Variants in IL1RAPL2 observed in about 807,000 individuals in gnomAD.
IL1RAPL2 encodes the protein X-linked interleukin-1 receptor accessory protein-like 2.
A neutral mutation model predicts 44.1 loss-of-function variants in IL1RAPL2; 3 were observed. The observed-to-expected ratio is 0.07, with a 90% CI of 0.03 to 0.18. The LOEUF is 0.18. IL1RAPL2 is among the 10% of genes least tolerant of loss of function. The pLI, the probability that IL1RAPL2 is intolerant of heterozygous loss-of-function variation, is 1.00. For missense variants in IL1RAPL2, 391 were observed against 496.4 expected (o/e 0.79, Z 2.02); for synonymous variants, 181 against 178.8 (o/e 1.01, Z -0.10).
intron 6 of IL1RAPL2, among the ~76,000 whole-genome samples, chrX:105,573,536 C>T (rs914804645): frequency 1.4e-4 from 15 of 111,054 alleles, no homozygotes; most frequent in African/African-American, 4.6e-4. Context: ...GCGAATGTTA[C>T]CAAGAAAGAA....
At chrX:104,865,657 A>G (rs1205332686) in intron 2 of IL1RAPL2, among the ~76,000 whole-genome samples, 1 of 112,399 alleles carries the variant, frequency 8.9e-6, no homozygotes, top group Non-Finnish European at 1.9e-5. Flanking sequence ...GGCAGAAGAA[A>G]ATGGAATGAG....
intron 1 of IL1RAPL2, among the ~76,000 whole-genome samples, chrX:104,635,318 G>A (rs1454507240): frequency 9.1e-6 from 1 of 109,686 alleles, no homozygotes; most frequent in Non-Finnish European, 1.9e-5. Context: ...ACAATTTTGT[G>A]TCTTGGAGTT....
At chrX:104,941,272 C>T (rs748421406) in intron 2 of IL1RAPL2, among the ~76,000 whole-genome samples, 3 of 111,364 alleles carry the variant, frequency 2.7e-5, no homozygotes, top group Non-Finnish European at 3.8e-5. Flanking sequence ...CTTGGGGAAT[C>T]GCCACACTGT....
At chrX:105,030,757 T>C (rs1480056705) in intron 2 of IL1RAPL2, among the ~76,000 whole-genome samples, 4 of 110,170 alleles carry the variant, frequency 3.6e-5, no homozygotes, top group Non-Finnish European at 7.7e-5. Flanking sequence ...ATGAACTTTA[T>C]AGTTTTTTCC....
At chrX:105,327,903 G>C in intron 5 of IL1RAPL2, among the ~76,000 whole-genome samples, 1 of 111,340 alleles carries the variant, frequency 9.0e-6, no homozygotes, top group South Asian at 3.8e-4. Context: ...CAAACCTTGG[G>C]AGAGCATACT....
intron 2 of IL1RAPL2, among the ~76,000 whole-genome samples, chrX:104,774,361 C>G (rs1860434527): frequency 9.0e-6 from 1 of 111,586 alleles, no homozygotes; most frequent in Non-Finnish European, 1.9e-5. Flanking sequence ...TTAAGAGTCC[C>G]TGAGTTTTGA....
intron 2 of IL1RAPL2, among the ~76,000 whole-genome samples, chrX:104,884,999 C>A (rs1457156608): frequency 1.8e-5 from 2 of 111,661 alleles, no homozygotes; most frequent in Admixed American, 9.5e-5. Context: ...GTCCCCTTCT[C>A]CCTCTCTGAT....
intron 3 of IL1RAPL2, among the ~76,000 whole-genome samples, chrX:105,229,901 G>A (rs1194366653): frequency 2.7e-5 from 3 of 111,782 alleles, no homozygotes; most frequent in Admixed American, 9.5e-5. Context: ...GGGTTCAAGC[G>A]ATTTTCCTGC....
chrX:104,918,306 G>A (rs1199311604), intron 2 of IL1RAPL2, among the ~76,000 whole-genome samples: 1 of 111,186 alleles, frequency 9.0e-6, no homozygotes, highest in Non-Finnish European at 1.9e-5. Flanking sequence ...TCACACCCTA[G>A]CCACATATAA....
At chrX:105,673,154 A>C (rs2147516904) in intron 6 of IL1RAPL2, among the ~76,000 whole-genome samples, 1 of 111,795 alleles carries the variant, frequency 8.9e-6, no homozygotes, top group Non-Finnish European at 1.9e-5. Context: ...CAGAAGCATA[A>C]GGCTTTATTT....
chrX:105,315,497 A>G (rs1227222906), intron 5 of IL1RAPL2, among the ~76,000 whole-genome samples: 1 of 96,634 alleles, frequency 1.0e-5, no homozygotes, highest in Non-Finnish European at 2.1e-5. Context: ...ATCTAATTCC[A>G]AAACATTTTC....
At chrX:105,623,313 T>C (rs2037432704) in intron 6 of IL1RAPL2, among the ~76,000 whole-genome samples, 1 of 110,016 alleles carries the variant, frequency 9.1e-6, no homozygotes, top group Non-Finnish European at 1.9e-5. Flanking sequence ...TATGCTGTAC[T>C]ACCTTTATTA....
chrX:105,238,033 G>A (rs1482936746), intron 4 of IL1RAPL2, among the ~76,000 whole-genome samples: 1 of 112,506 alleles, frequency 8.9e-6, no homozygotes, highest in Admixed American at 9.5e-5. Flanking sequence ...CTGAGCCAGA[G>A]TAAGCTCAGA....
At chrX:104,825,317 C>T (rs1487045086) in intron 2 of IL1RAPL2, among the ~76,000 whole-genome samples, 1 of 111,974 alleles carries the variant, frequency 8.9e-6, no homozygotes, top group Admixed American at 9.5e-5. Flanking sequence ...CAGTGCAGCC[C>T]TGCTAGGGCC....
chrX:105,410,511 T>C (rs757998558), intron 5 of IL1RAPL2, among the ~76,000 whole-genome samples: 1 of 110,950 alleles, frequency 9.0e-6, no homozygotes, highest in South Asian at 3.8e-4. Context: ...TAATTAATGT[T>C]GATTGAGAAG....
chrX:105,181,926 G>T (rs782803417), intron 2 of IL1RAPL2, among the ~76,000 whole-genome samples: 1 of 109,345 alleles, frequency 9.1e-6, no homozygotes, highest in East Asian at 2.9e-4. Flanking sequence ...AATTAGCTGG[G>T]TGTGGTAGCG....
intron 6 of IL1RAPL2, among the ~76,000 whole-genome samples, chrX:105,620,014 GA>G (rs2037408419): frequency 9.0e-6 from 1 of 110,705 alleles, no homozygotes; most frequent in South Asian, 3.8e-4. Flanking sequence ...TAGAATATGG[GA>G]AGCCAGTTCT....
In IL1RAPL2 at chrX:105,051,771, G is replaced by A. The variant is rs191700883; in HGVS notation, c.83-143704G>A. On this transcript the variant is annotated intron_variant, in intron 2 of 10. Transcript: ENST00000372582. ...GCAGCAGCCACTGCCATCAGTTTCA[G>A]CTAGAACAACTATGATTAATTAGAA... is the stretch of plus-strand genomic sequence containing the variant. Among the ~76,000 whole-genome samples, 1,111 of 112,668 alleles carry A rather than the reference G, an allele frequency of 9.9e-3. 5 individuals are homozygous for A. Among genetic ancestry groups the A allele is most frequent in the Non-Finnish European group, 0.016 (856 of 53,270 alleles).
At chrX:104,573,717 T>C (rs1298057618) in intron 1 of IL1RAPL2, among the ~76,000 whole-genome samples, 1 of 112,455 alleles carries the variant, frequency 8.9e-6, no homozygotes, top group Non-Finnish European at 1.9e-5. Context: ...GTATAACTTA[T>C]ATTGGAAATT....
Sources: gnomAD v4.1 joint callset for allele counts (sites outside exome capture counted in the v4.1 genomes callset) on GRCh38, gnomAD v4.1.1 for gene constraint, MANE v1.5 for transcripts, NCBI Gene and HGNC (gene_info 2026-07-23, HGNC 2026-07-21) for gene names.